SEMA5A: variants seen among roughly 807,000 people sequenced by gnomAD.
The protein encoded by SEMA5A is semaphorin-5A.
In SEMA5A, 55 loss-of-function variants were observed where a neutral mutation model predicts 135.5. That is an observed-to-expected ratio of 0.41 (90% CI 0.33 to 0.51). The LOEUF is 0.51. Among genes scored for constraint, SEMA5A ranks in the 20% least tolerant of loss-of-function variants. The pLI, the probability that SEMA5A is intolerant of heterozygous loss-of-function variation, is 0.37. For missense variants in SEMA5A, 1,290 were observed against 1,419.9 expected (o/e 0.91, Z 1.47); for synonymous variants, 580 against 546.5 (o/e 1.06, Z -0.85).
chr5:9,092,195 G>A (rs1245334552), intron 16 of SEMA5A, among the ~76,000 whole-genome samples: 1 of 152,160 alleles, frequency 6.6e-6, no homozygotes, highest in Admixed American at 6.5e-5. Context: ...CAACTAAGCT[G>A]CACTAGATGA....
rs116448933 is a variant in SEMA5A, at chr5:9,344,048, T to C, written c.125-6236A>G. Among the ~76,000 whole-genome samples the C allele has an allele frequency of 2.3e-3, 353 of 152,338 alleles. 1 individual carries two copies. Among genetic ancestry groups the C allele is most frequent in the African/African-American group, 8.0e-3 (334 of 41,582 alleles). On this transcript the variant is annotated intron_variant, in intron 3 of 22. Transcript: ENST00000382496. ...ATAAGGGAATAAACATGCACATTCA[T>C]AGATGTTTAAAATATGCTGCTGAAA...
intron 3 of SEMA5A, among the ~76,000 whole-genome samples, chr5:9,364,535 A>T (rs1754833974): frequency 6.6e-6 from 1 of 152,228 alleles, no homozygotes; most frequent in African/African-American, 2.4e-5. Context: ...TGAGGAGAAA[A>T]AAGCTTAAGA....
At chr5:9,478,005 C>T (rs1264204496) in intron 1 of SEMA5A, among the ~76,000 whole-genome samples, 1 of 152,128 alleles carries the variant, frequency 6.6e-6, no homozygotes, top group African/African-American at 2.4e-5. Flanking sequence ...CTCTGTGCAG[C>T]CTTGGGACAT....
At chr5:9,395,460 T>C (rs1338829752) in intron 2 of SEMA5A, among the ~76,000 whole-genome samples, 1 of 152,220 alleles carries the variant, frequency 6.6e-6, no homozygotes, top group African/African-American at 2.4e-5. Flanking sequence ...AACTGGAACC[T>C]GCTACCTCTT....
chr5:9,105,825 C>T (rs1739883703), intron 16 of SEMA5A, among the ~76,000 whole-genome samples: 1 of 152,168 alleles, frequency 6.6e-6, no homozygotes, highest in Non-Finnish European at 1.5e-5. Flanking sequence ...AAAACCGAAC[C>T]CTTTGTGGAC....
intron 11 of SEMA5A, among the ~76,000 whole-genome samples, chr5:9,174,009 AAG>A: frequency 6.6e-6 from 1 of 152,382 alleles, no homozygotes; most frequent in East Asian, 1.9e-4. Context: ...TCAAAAAGGA[AAG>A]AGAGATGAAA....
intron 16 of SEMA5A, among the ~76,000 whole-genome samples, chr5:9,078,634 A>T (rs1738202116): frequency 6.6e-6 from 1 of 152,222 alleles, no homozygotes; most frequent in South Asian, 2.1e-4. Flanking sequence ...CAACAATAAG[A>T]AAAACAAAAT....
At chr5:9,291,417 A>T (rs955392520) in intron 5 of SEMA5A, among the ~76,000 whole-genome samples, 1 of 152,206 alleles carries the variant, frequency 6.6e-6, no homozygotes, top group Admixed American at 6.5e-5. Context: ...CTCCTTTGCC[A>T]GTTCCAGGCA....
intron 6 of SEMA5A, among the ~76,000 whole-genome samples, chr5:9,231,791 C>T (rs1186737478): frequency 6.6e-6 from 1 of 152,090 alleles, no homozygotes; most frequent in Non-Finnish European, 1.5e-5. Flanking sequence ...TTCTTCTAGC[C>T]CATTTCTGTA....
intron 16 of SEMA5A, among the ~76,000 whole-genome samples, chr5:9,077,116 C>T (rs1440850022): frequency 6.6e-6 from 1 of 152,076 alleles, no homozygotes; most frequent in Non-Finnish European, 1.5e-5. Context: ...ACTTACTCAC[C>T]ATCCAATCCT....
chr5:9,154,400 A>G, intron 12 of SEMA5A, 88 bp downstream of exon 12: 2 of 1,247,302 alleles, frequency 1.6e-6, no homozygotes, highest in South Asian at 2.6e-5. Context: ...AGGCCATTCA[A>G]CTTCAGGGCA....
In SEMA5A at chr5:9,398,418, A is replaced by G. The variant is rs114047358; in HGVS notation, c.-77-18395T>C. 7.5e-3 allele frequency among the ~76,000 whole-genome samples: 1,139 copies of G among 152,382 alleles called. 11 individuals carry two copies. Among genetic ancestry groups the G allele is most frequent in the African/African-American group, 0.026 (1,070 of 41,598 alleles). On this transcript the variant is annotated intron_variant, in intron 2 of 22. Transcript: ENST00000382496. ...ACTGAAGATAAAATACAATGAGATC[A>G]TAACCCTTCAAAAGCGTAGCTTATT...
At chr5:9,371,244 C>T (rs555032035) in intron 3 of SEMA5A, among the ~76,000 whole-genome samples, 8 of 152,120 alleles carry the variant, frequency 5.3e-5, no homozygotes, top group South Asian at 4.2e-4. Flanking sequence ...GGCCCTAGAA[C>T]GCAAAAGTAA....
At chr5:9,538,751 G>A (rs1737916345) in intron 1 of SEMA5A, among the ~76,000 whole-genome samples, 2 of 152,208 alleles carry the variant, frequency 1.3e-5, no homozygotes, top group Admixed American at 1.3e-4. Context: ...AGCTCAGATA[G>A]ACTTCCCAGG....
chr5:9,294,923 G>A (rs1751257214), intron 5 of SEMA5A, among the ~76,000 whole-genome samples: 1 of 151,946 alleles, frequency 6.6e-6, no homozygotes, highest in Non-Finnish European at 1.5e-5. Flanking sequence ...ATACCCACAA[G>A]AAAGTCCCAC....
chr5:9,527,119 C>G (rs530670527), intron 1 of SEMA5A, among the ~76,000 whole-genome samples: 1 of 152,252 alleles, frequency 6.6e-6, no homozygotes, highest in South Asian at 2.1e-4. Context: ...GTGGGCTCAG[C>G]TATCACCTTG....
chr5:9,168,537 G>A (rs1743738950), intron 11 of SEMA5A, among the ~76,000 whole-genome samples: 1 of 152,174 alleles, frequency 6.6e-6, no homozygotes, highest in African/African-American at 2.4e-5. Context: ...GTGAGGGGGA[G>A]GAGGATGCCA....
chr5:9,508,007 A>G (rs1001169626), intron 1 of SEMA5A, among the ~76,000 whole-genome samples: 2 of 35,294 alleles, frequency 5.7e-5, no homozygotes, highest in Non-Finnish European at 1.4e-4. Flanking sequence ...CTGTCTCAAA[A>G]AAAAAAAAAA....
Position 9,040,679 on chromosome 5 carries a change from TGAGG to T in SEMA5A, c.*2214_*2217del, listed in dbSNP as rs1468162736. On this transcript the variant is annotated 3_prime_UTR_variant, in exon 23 of 23. Transcript: ENST00000382496. ...TATTAACAACATGAAGATCCTGTAGTGAGGGAGGGTGTTTTTCCCAAGTCATTGC... is the reference window on the plus strand; with the variant it reads ...TATTAACAACATGAAGATCCTGTAGTGAGGGTGTTTTTCCCAAGTCATTGC... 5 of 152,136 alleles carry T rather than the reference TGAGG, an allele frequency of 3.3e-5. No homozygotes were observed. The highest frequency in any genetic ancestry group is 1.2e-4 in the African/African-American group (5 of 41,432). 9.4% of individuals were successfully genotyped at this position (152,136 alleles called of 1,614,324 possible).
Sources: allele counts gnomAD v4.1 joint callset (sites outside exome capture counted in the v4.1 genomes callset), GRCh38; gene constraint gnomAD v4.1.1; transcripts MANE v1.5; gene names NCBI Gene and HGNC (gene_info 2026-07-23, HGNC 2026-07-21).